The following ZCCHC14 variants were observed in gnomAD, a reference collection of about 807,000 sequenced individuals.
ZCCHC14 encodes zinc finger CCHC domain-containing protein 14.
ZCCHC14 carries 16 observed loss-of-function variants against 85.0 expected under a neutral mutation model. The observed-to-expected ratio is 0.19, with a 90% confidence interval of 0.13 to 0.29. The LOEUF (loss-of-function observed/expected upper bound fraction) is 0.29. ZCCHC14 is among the 10% of genes least tolerant of loss of function. The pLI is 1.00. For synonymous variants in ZCCHC14, 775 were observed against 630.7 expected (o/e 1.23, Z -3.43); for missense variants, 1,303 against 1,443.5 (o/e 0.90, Z 1.58).
rs1466162427 is a variant in ZCCHC14 at position 87,484,273 on chromosome 16, G to A, written c.570+7396C>T. 3.3e-5 allele frequency among the ~76,000 whole-genome samples: 5 copies of A among 152,358 alleles called. No homozygotes were observed. In the South Asian group the frequency reaches 8.3e-4, roughly 25 times the overall value. On this transcript the variant is annotated intron_variant, in intron 1 of 12. Coordinates refer to ENST00000671377, the MANE Select transcript of ZCCHC14 (RefSeq NM_015144.3). ...TCCTGGGTGCCCTTCCGTGCCATCT[G>A]TGGGAGAAGGGACTTTCCATGCAGC...
At chr16:87,440,455 G>A (rs758573724) in intron 2 of ZCCHC14, among the ~76,000 whole-genome samples, 12 of 150,960 alleles carry the variant, frequency 7.9e-5, no homozygotes, top group Admixed American at 4.0e-4. Context: ...ATGAGCCACC[G>A]TGCCCAGCTG....
intron 2 of ZCCHC14, among the ~76,000 whole-genome samples, chr16:87,451,539 T>C (rs1282705970): frequency 6.6e-6 from 1 of 152,236 alleles, no homozygotes; most frequent in Non-Finnish European, 1.5e-5. Flanking sequence ...CATTTGAATT[T>C]AGGGGCCTTA....
chr16:87,487,223 C>T (rs1912549294), intron 1 of ZCCHC14, among the ~76,000 whole-genome samples: 1 of 152,202 alleles, frequency 6.6e-6, no homozygotes, highest in African/African-American at 2.4e-5. Context: ...AACTGTTCCA[C>T]AGAACCTACC....
At chr16:87,472,148 T>C (rs540423280) in intron 1 of ZCCHC14, 2 of 152,234 alleles carry the variant, frequency 1.3e-5, no homozygotes, top group East Asian at 3.9e-4. Context: ...GTAAACATAA[T>C]AGTGAAAGTG....
At position 87,464,580 on chromosome 16, in the gene ZCCHC14, A is replaced by G. The variant is rs75470210; in HGVS notation, c.571-4449T>C. Among the ~76,000 whole-genome samples the G allele has an allele frequency of 4.6e-3, 693 of 152,296 alleles. 6 individuals are homozygous for G. The highest frequency in any genetic ancestry group is 0.016 in the African/African-American group (669 of 41,564). ...GGGAAAGCCCGTGAGCCACCCTAGCAAAACACACACTGCATCTGACATCAA... is the reference window on the plus strand; with the variant it reads ...GGGAAAGCCCGTGAGCCACCCTAGCGAAACACACACTGCATCTGACATCAA... On this transcript the variant is annotated intron_variant, in intron 1 of 12. Transcript: ENST00000671377.
intron 2 of ZCCHC14, among the ~76,000 whole-genome samples, chr16:87,454,013 T>C (rs1314501756): frequency 6.6e-6 from 1 of 152,144 alleles, no homozygotes; most frequent in Non-Finnish European, 1.5e-5. Context: ...ATACAATATC[T>C]GGTATGAAAA....
At chr16:87,429,739 T>C (rs1909555706) in intron 3 of ZCCHC14, among the ~76,000 whole-genome samples, 1 of 152,206 alleles carries the variant, frequency 6.6e-6, no homozygotes, top group Non-Finnish European at 1.5e-5. Context: ...CCCAAGCAGC[T>C]AGGATTACAG....
intron 3 of ZCCHC14, among the ~76,000 whole-genome samples, chr16:87,426,649 A>G (rs1202573096): frequency 6.6e-6 from 1 of 152,162 alleles, no homozygotes. Flanking sequence ...TCAGCCAGGC[A>G]CCTCTGGGGG....
intron 2 of ZCCHC14, among the ~76,000 whole-genome samples, chr16:87,445,694 C>T (rs1038595373): frequency 1.3e-5 from 2 of 152,110 alleles, no homozygotes; most frequent in African/African-American, 4.8e-5. Context: ...TATGTGATGA[C>T]GCGCCGACCT....
At chr16:87,415,617 C>T (rs1908741436) in intron 8 of ZCCHC14, among the ~76,000 whole-genome samples, 1 of 152,202 alleles carries the variant, frequency 6.6e-6, no homozygotes, top group South Asian at 2.1e-4. Flanking sequence ...ACCTTCTGTG[C>T]AGGCTGTGTG....
intron 7 of ZCCHC14, 56 bp from the exon 8 acceptor site, chr16:87,417,798 C>T (rs1031200091): frequency 4.0e-6 from 6 of 1,498,590 alleles, no homozygotes; most frequent in East Asian, 2.3e-5. Context: ...CAACCACAGA[C>T]TCCACCACAG....
intron 1 of ZCCHC14, chr16:87,467,448 A>T (rs1346418381): frequency 6.2e-7 from 1 of 1,606,138 alleles, no homozygotes; most frequent in Non-Finnish European, 8.5e-7. Flanking sequence ...AATGTCTGCC[A>T]TTTCTGTTCA....
rs1356729977 is a variant in ZCCHC14 at position 87,407,265 on chromosome 16, T to G, written c.*3015A>C. 6.6e-6 allele frequency: 1 copy of G among 152,220 alleles called. No individual in the cohort carries two copies. Among genetic ancestry groups the G allele is most frequent in the African/African-American group, 2.4e-5 (1 of 41,458 alleles). 9.4% of individuals were successfully genotyped at this position (152,220 alleles called of 1,614,324 possible). On this transcript the variant is annotated 3_prime_UTR_variant, in exon 13 of 13. Coordinates refer to ENST00000671377, the MANE Select transcript of ZCCHC14 (RefSeq NM_015144.3). Reference sequence around the variant, plus strand: ...TTAAAAATACAGAACCTACTAACACTACTGTATTAACAAGCTGACTCCTGT... The same window carrying G: ...TTAAAAATACAGAACCTACTAACACGACTGTATTAACAAGCTGACTCCTGT...
intron 2 of ZCCHC14, among the ~76,000 whole-genome samples, chr16:87,458,842 C>T (rs1055903785): frequency 2.6e-5 from 4 of 152,152 alleles, no homozygotes; most frequent in Non-Finnish European, 4.4e-5. Context: ...CACAGCCGGC[C>T]TCGGTACCTC....
chr16:87,476,237 G>C (rs1911999578), intron 1 of ZCCHC14, among the ~76,000 whole-genome samples: 1 of 152,142 alleles, frequency 6.6e-6, no homozygotes, highest in Non-Finnish European at 1.5e-5. Context: ...TTGCCAGACT[G>C]AAAGGATATG....
Position 87,413,199 on chromosome 16 carries a change from C to A in ZCCHC14, c.1604-4G>T, listed in dbSNP as rs1441342635. Reference sequence around the variant, plus strand: ...TGCTCCACTTCCACCCGCAGCTCTGCAGAAAAGGGACAGAGGAGCAGCCAT... The same window carrying A: ...TGCTCCACTTCCACCCGCAGCTCTGAAGAAAAGGGACAGAGGAGCAGCCAT... On this transcript the variant is annotated splice_region_variant and splice_polypyrimidine_tract_variant and intron_variant, in intron 10 of 12. Coordinates refer to ENST00000671377, the MANE Select transcript of ZCCHC14 (RefSeq NM_015144.3). 2 of 1,550,790 alleles carry A rather than the reference C, an allele frequency of 1.3e-6. No individual in the cohort carries two copies. Among genetic ancestry groups the A allele is most frequent in the South Asian group, 2.4e-5 (2 of 83,736 alleles).
intron 1 of ZCCHC14, among the ~76,000 whole-genome samples, chr16:87,487,819 T>G (rs553734710): frequency 2.0e-5 from 3 of 152,056 alleles, no homozygotes; most frequent in African/African-American, 7.2e-5. Context: ...GAGGAGGAAG[T>G]GCTGACACAC....
At chr16:87,469,715 C>T (rs926196889) in intron 1 of ZCCHC14, among the ~76,000 whole-genome samples, 1 of 152,132 alleles carries the variant, frequency 6.6e-6, no homozygotes, top group Admixed American at 6.5e-5. Flanking sequence ...CACAGAGACT[C>T]GGAGCTCTGG....
rs1254144132 is a variant in ZCCHC14, at chr16:87,433,004, T to TA, written c.768+123dup. On this transcript the variant is annotated intron_variant, in intron 3 of 12. Transcript: ENST00000671377. ...CACCCCGAGCTCAGGGCCAGCTTCC[T>TA]ATACAGCACTGGCACGGGGCTTTGC... The TA allele has an allele frequency of 2.5e-5, 20 of 794,244 alleles. No individual in the cohort carries two copies. In the African/African-American group the frequency reaches 3.9e-4, roughly 16 times the overall value. The allele number at this position is 794,244 out of a possible 1,614,324, so 49.2% of individuals were successfully genotyped here. A position where few individuals can be genotyped will look rare whatever the true frequency, so the allele number is the denominator to read the frequency against.
Sources: gnomAD v4.1 joint callset for allele counts (sites outside exome capture counted in the v4.1 genomes callset) on GRCh38, gnomAD v4.1.1 for gene constraint, MANE v1.5 for transcripts, NCBI Gene and HGNC (gene_info 2026-07-23, HGNC 2026-07-21) for gene names.